Variants in SOX5 observed in about 807,000 individuals in gnomAD.
SOX5 encodes SRY-box transcription factor 5.
Under a neutral mutation model 92.0 loss-of-function variants are expected in SOX5, and 9 were observed. The ratio of observed to expected loss-of-function variants is 0.10; its 90% CI spans 0.06 to 0.17. The LOEUF (loss-of-function observed/expected upper bound fraction) is 0.17, where lower values mean the gene tolerates loss of function less well. SOX5 is among the 10% of genes least tolerant of loss of function. The pLI is 1.00. For synonymous variants in SOX5, 344 were observed against 336.3 expected (o/e 1.02, Z -0.25); for missense variants, 642 against 944.5 (o/e 0.68, Z 4.20).
chr12:24,119,204 A>C (rs1948380049), intron 4 of SOX5, among the ~76,000 whole-genome samples: 1 of 152,142 alleles, frequency 6.6e-6, no homozygotes, highest in African/African-American at 2.4e-5. Flanking sequence ...AGTTTGGGGA[A>C]ACTTCCTCTG....
chr12:23,758,871 C>T (rs1312137852), intron 3 of SOX5, among the ~76,000 whole-genome samples: 1 of 151,936 alleles, frequency 6.6e-6, no homozygotes, highest in African/African-American at 2.4e-5. Flanking sequence ...TGCTTTCCAC[C>T]ATGGGACGAT....
intron 2 of SOX5, among the ~76,000 whole-genome samples, chr12:24,289,617 C>A (rs11047354): frequency 0.015 from 2,230 of 143,914 alleles, 109 homozygotes; most frequent in Non-Finnish European, 0.02. Flanking sequence ...CTACGCCCGG[C>A]TAATTTTTTT....
At chr12:23,558,202 C>A (rs1239922805) in intron 11 of SOX5, among the ~76,000 whole-genome samples, 3 of 152,124 alleles carry the variant, frequency 2.0e-5, no homozygotes, top group African/African-American at 4.8e-5. Context: ...CTGAAGATAT[C>A]CCCTGATCTC....
chr12:23,996,367 T>A (rs1951033066), intron 4 of SOX5, among the ~76,000 whole-genome samples: 1 of 152,128 alleles, frequency 6.6e-6, no homozygotes, highest in Non-Finnish European at 1.5e-5. Context: ...GTGAAGAAAT[T>A]GAAACACTTA....
At position 24,148,715 on chromosome 12, in the gene SOX5, A is replaced by G. The variant is rs1322450745; in HGVS notation, c.-2+64628T>C. Among the ~76,000 whole-genome samples, 73 of 51,198 alleles carry G rather than the reference A, an allele frequency of 1.4e-3. 1 individual carries two copies. The highest frequency in any genetic ancestry group is 0.011 in the East Asian group (35 of 3,226). The allele number at this position is 51,198 out of a possible 152,430, so 33.6% of individuals were successfully genotyped here. On this transcript the variant is annotated intron_variant, in intron 4 of 4. Coordinates refer to the SOX5 transcript ENST00000446891. ...AAAAAAAAAAAAAAAAAAAAAAAAA[A>G]AGAAGAAAGAAAGAAAAGAAAAGAA...
At position 23,970,841 on chromosome 12, in the gene SOX5, A is replaced by AATT. The variant is rs758001783; in HGVS notation, c.-1-74818_-1-74817insAAT. On this transcript the variant is annotated intron_variant, in intron 4 of 4. Transcript: ENST00000446891. ...ACATGGGACTTTATATATATATATAATTTTTTTTTTTTTTTAAGAAATGGG... is the reference window on the plus strand; with the variant it reads ...ACATGGGACTTTATATATATATATAAATTTTTTTTTTTTTTTTTAAGAAATGGG... Among the ~76,000 whole-genome samples, 80 of 21,892 alleles carry AATT rather than the reference A, an allele frequency of 3.7e-3. 10 individuals carry two copies. Among genetic ancestry groups the AATT allele is most frequent in the African/African-American group, 9.6e-3 (77 of 8,050 alleles). 14.4% of individuals were successfully genotyped at this position (21,892 alleles called of 152,430 possible).
intron 4 of SOX5, among the ~76,000 whole-genome samples, chr12:23,745,667 A>G (rs918258199): frequency 7.2e-5 from 11 of 152,078 alleles, no homozygotes; most frequent in African/African-American, 2.7e-4. Context: ...CTCCCTAAAC[A>G]TTCATTCTTC....
intron 2 of SOX5, among the ~76,000 whole-genome samples, chr12:24,351,304 T>G (rs796082465): frequency 9.2e-5 from 14 of 152,344 alleles, no homozygotes; most frequent in African/African-American, 3.4e-4. Flanking sequence ...CATCTCTGTC[T>G]TGTAGACCAT....
intron 4 of SOX5, among the ~76,000 whole-genome samples, chr12:23,998,070 A>C (rs1238053241): frequency 6.6e-6 from 1 of 152,146 alleles, no homozygotes; most frequent in African/African-American, 2.4e-5. Flanking sequence ...TGTGACCCAA[A>C]CACAGGGGAA....
chr12:23,837,208 TTATATTTATATGATATATAATA>T (rs1363158387), intron 3 of SOX5, among the ~76,000 whole-genome samples: 5 of 131,954 alleles, frequency 3.8e-5, no homozygotes, highest in African/African-American at 1.1e-4. Context: ...TATAATATAT[TTATATTTATATGATATATAATA>T]TATATTTATA....
intron 3 of SOX5, among the ~76,000 whole-genome samples, chr12:23,782,999 T>C (rs1481246768): frequency 6.6e-6 from 1 of 152,158 alleles, no homozygotes; most frequent in Non-Finnish European, 1.5e-5. Flanking sequence ...CTGCCGTACC[T>C]GTGAGTTCTC....
chr12:24,367,036 T>A (rs966237491), intron 2 of SOX5, among the ~76,000 whole-genome samples: 1 of 152,170 alleles, frequency 6.6e-6, no homozygotes, highest in African/African-American at 2.4e-5. Context: ...AGATTTTGCT[T>A]AGACACATAT....
At chr12:23,701,418 T>C (rs2090613111) in intron 6 of SOX5, among the ~76,000 whole-genome samples, 1 of 152,044 alleles carries the variant, frequency 6.6e-6, no homozygotes, top group South Asian at 2.1e-4. Flanking sequence ...TTTTTAGAAA[T>C]TGTTTATCCC....
chr12:24,070,729 A>C (rs957136874), intron 4 of SOX5, among the ~76,000 whole-genome samples: 1 of 152,194 alleles, frequency 6.6e-6, no homozygotes, highest in South Asian at 2.1e-4. Flanking sequence ...TTTTAGACAT[A>C]ATTTGTATTC....
intron 3 of SOX5, among the ~76,000 whole-genome samples, chr12:23,779,810 T>TACACACAC (rs1333274564): frequency 2.3e-3 from 229 of 98,584 alleles, no homozygotes; most frequent in African/African-American, 9.7e-3. Flanking sequence ...TATATATATA[T>TACACACAC]ATATACACAC....
At chr12:24,007,041 G>C (rs1952268444) in intron 4 of SOX5, among the ~76,000 whole-genome samples, 1 of 149,034 alleles carries the variant, frequency 6.7e-6, no homozygotes, top group Non-Finnish European at 1.5e-5. Context: ...GCTGAGGCAG[G>C]AGAACCACTT....
intron 3 of SOX5, among the ~76,000 whole-genome samples, chr12:24,219,823 A>T (rs1399873898): frequency 1.3e-5 from 2 of 152,136 alleles, no homozygotes; most frequent in Admixed American, 1.3e-4. Context: ...TACTCAACAA[A>T]AAGTTCTCAA....
At chr12:23,594,013 A>G (rs1951969958) in intron 9 of SOX5, among the ~76,000 whole-genome samples, 1 of 152,180 alleles carries the variant, frequency 6.6e-6, no homozygotes. Flanking sequence ...TATGAGCACT[A>G]GTATGTAGCA....
chr12:24,269,767 C>T (rs1943471643), intron 3 of SOX5, among the ~76,000 whole-genome samples: 1 of 142,250 alleles, frequency 7.0e-6, no homozygotes, highest in African/African-American at 2.6e-5. Flanking sequence ...CAGCCTTGAA[C>T]TCCCGGGCTT....
Sources: allele counts gnomAD v4.1 joint callset (sites outside exome capture counted in the v4.1 genomes callset), GRCh38; gene constraint gnomAD v4.1.1; transcripts MANE v1.5; gene names NCBI Gene and HGNC (gene_info 2026-07-23, HGNC 2026-07-21).